Variants in CCSER1 observed in about 807,000 individuals in gnomAD.
CCSER1 encodes coiled-coil serine rich protein 1.
A neutral mutation model predicts 82.0 loss-of-function variants in CCSER1; 41 were observed. The observed-to-expected ratio is 0.50, with a 90% CI of 0.39 to 0.65. CCSER1 has a LOEUF of 0.65. CCSER1 is among the 30% of genes least tolerant of loss of function. The probability of loss-of-function intolerance (pLI) is 0.00; values close to 1 mark genes in which losing one functional copy is unlikely to be tolerated. For missense variants in CCSER1, 1,119 were observed against 1,064.2 expected (o/e 1.05, Z -0.72); for synonymous variants, 414 against 383.9 (o/e 1.08, Z -0.92).
At chr4:91,442,358 A>G (rs1435586988) in intron 10 of CCSER1, among the ~76,000 whole-genome samples, 1 of 152,092 alleles carries the variant, frequency 6.6e-6, no homozygotes, top group Non-Finnish European at 1.5e-5. Context: ...CCTGACAAAA[A>G]CAAGCAATGG....
intron 6 of CCSER1, among the ~76,000 whole-genome samples, chr4:90,723,639 C>A (rs17243751): frequency 6.6e-6 from 1 of 151,282 alleles, no homozygotes; most frequent in African/African-American, 2.4e-5. Context: ...ATAATAAATA[C>A]CACCCTAACA....
chr4:91,172,359 A>C lies in CCSER1; in HGVS notation c.2217+86365A>C, dbSNP rs140370295. Among the ~76,000 whole-genome samples, 5 of 152,312 alleles carry C rather than the reference A, an allele frequency of 3.3e-5. No homozygotes were observed. In the East Asian group the frequency reaches 9.6e-4, roughly 29 times the overall value. ...AAACTGTGTCTTCATGGAATTTTTCATGTGGATGCATTGATGGAAAGGCAT... is the reference window on the plus strand; with the variant it reads ...AAACTGTGTCTTCATGGAATTTTTCCTGTGGATGCATTGATGGAAAGGCAT... On this transcript the variant is annotated intron_variant, in intron 10 of 10. Transcript: ENST00000509176.
At chr4:91,339,821 G>A (rs750714439) in intron 10 of CCSER1, among the ~76,000 whole-genome samples, 24 of 151,554 alleles carry the variant, frequency 1.6e-4, no homozygotes, top group Admixed American at 6.6e-4. Context: ...GAATACCTAC[G>A]ACAAAGATTA....
At chr4:91,328,448 G>A (rs570258951) in intron 10 of CCSER1, among the ~76,000 whole-genome samples, 6 of 152,294 alleles carry the variant, frequency 3.9e-5, no homozygotes, top group African/African-American at 1.2e-4. Context: ...CACAAGAACA[G>A]CAAAGGAGAA....
intron 10 of CCSER1, among the ~76,000 whole-genome samples, chr4:91,197,606 G>C (rs976583924): frequency 2.0e-5 from 3 of 152,118 alleles, no homozygotes; most frequent in African/African-American, 7.2e-5. Flanking sequence ...TTTCATTTCA[G>C]CTGTTGAATT....
intron 10 of CCSER1, among the ~76,000 whole-genome samples, chr4:91,406,275 T>C (rs1752692775): frequency 6.6e-6 from 1 of 152,166 alleles, no homozygotes; most frequent in Non-Finnish European, 1.5e-5. Flanking sequence ...TCAAACCCCT[T>C]CTTCTTTCCT....
At chr4:91,168,017 G>A (rs1457260912) in intron 10 of CCSER1, among the ~76,000 whole-genome samples, 1 of 150,226 alleles carries the variant, frequency 6.7e-6, no homozygotes, top group Non-Finnish European at 1.5e-5. Context: ...GAGCGCCTCT[G>A]CCCGGCCGCC....
intron 10 of CCSER1, among the ~76,000 whole-genome samples, chr4:91,475,476 T>G (rs545342480): frequency 6.6e-6 from 1 of 151,914 alleles, no homozygotes; most frequent in South Asian, 2.1e-4. Context: ...TTACCTTATA[T>G]TCTAAAAGGG....
At position 91,185,563 on chromosome 4, in the gene CCSER1, A is replaced by C. The variant is rs184210753; in HGVS notation, c.2217+99569A>C. 3.9e-3 allele frequency among the ~76,000 whole-genome samples: 594 copies of C among 152,216 alleles called. 5 individuals are homozygous for C. The highest frequency in any genetic ancestry group is 0.013 in the African/African-American group (556 of 41,530). ...GGCGGGAGACAGACATTGTATGGGG[A>C]TGAGGGAATGGCCTGAGCTGGAAAT... On this transcript the variant is annotated intron_variant, in intron 10 of 10. Transcript: ENST00000509176.
At position 90,613,067 on chromosome 4, in the gene CCSER1, A is replaced by G. The variant is rs527335281; in HGVS notation, c.1725-14958A>G. Among the ~76,000 whole-genome samples the G allele has an allele frequency of 1.7e-3, 266 of 152,296 alleles. 1 individual carries two copies. The highest frequency in any genetic ancestry group is 6.2e-3 in the African/African-American group (256 of 41,582). On this transcript the variant is annotated intron_variant, in intron 5 of 10. Coordinates refer to ENST00000509176, the MANE Select transcript of CCSER1 (RefSeq NM_001145065.2). ...GACAGGAATACACCCAACGGTACAC[A>G]GGCACTGGAAGAACCTTGTACTACA...
chr4:90,665,568 G>C (rs4619858), intron 6 of CCSER1, among the ~76,000 whole-genome samples: 69,295 of 151,756 alleles, frequency 0.46, 16,214 homozygotes, highest in Middle Eastern at 0.58. Context: ...TGATCCACCC[G>C]CCTCGGCCTC....
intron 5 of CCSER1, among the ~76,000 whole-genome samples, chr4:90,534,610 A>G (rs1775072255): frequency 6.6e-6 from 1 of 152,214 alleles, no homozygotes. Flanking sequence ...ACATGCTCAC[A>G]CAGAGATACA....
chr4:91,169,210 A>AAG (rs1553906068), intron 10 of CCSER1, among the ~76,000 whole-genome samples: 1 of 119,572 alleles, frequency 8.4e-6, no homozygotes, highest in Admixed American at 9.7e-5. Flanking sequence ...CTAAAAAAAA[A>AAG]AAAAAAAAAA....
intron 10 of CCSER1, among the ~76,000 whole-genome samples, chr4:91,504,513 G>A (rs944410609): frequency 6.6e-6 from 1 of 152,018 alleles, no homozygotes; most frequent in Non-Finnish European, 1.5e-5. Flanking sequence ...GAAACAGAAA[G>A]CACTTGTAGA....
chr4:91,118,663 A>G (rs1194067026), intron 10 of CCSER1, among the ~76,000 whole-genome samples: 1 of 152,168 alleles, frequency 6.6e-6, no homozygotes, highest in African/African-American at 2.4e-5. Context: ...GAATAAACAC[A>G]TATTTTATAC....
chr4:91,267,236 G>A (rs1474572827), intron 10 of CCSER1, among the ~76,000 whole-genome samples: 1 of 152,130 alleles, frequency 6.6e-6, no homozygotes, highest in Non-Finnish European at 1.5e-5. Context: ...TATATGTCAG[G>A]TGTGTGTTTT....
intron 9 of CCSER1, among the ~76,000 whole-genome samples, chr4:90,996,658 A>C (rs1737520675): frequency 6.6e-6 from 1 of 152,080 alleles, no homozygotes; most frequent in South Asian, 2.1e-4. Context: ...TTTCACACCA[A>C]CTTTCACCTC....
chr4:90,145,974 T>A (rs911932236), intron 1 of CCSER1, among the ~76,000 whole-genome samples: 6 of 152,060 alleles, frequency 3.9e-5, no homozygotes, highest in Non-Finnish European at 7.4e-5. Context: ...TGAAGCACTA[T>A]TATATGGCTT....
intron 10 of CCSER1, among the ~76,000 whole-genome samples, chr4:91,395,663 G>A (rs1751933115): frequency 6.6e-6 from 1 of 151,712 alleles, no homozygotes; most frequent in South Asian, 2.1e-4. Flanking sequence ...AGAATAGGGT[G>A]TTTTTTTTAT....
Sources: gnomAD v4.1 joint callset for allele counts (sites outside exome capture counted in the v4.1 genomes callset) on GRCh38, gnomAD v4.1.1 for gene constraint, MANE v1.5 for transcripts, NCBI Gene and HGNC (gene_info 2026-07-23, HGNC 2026-07-21) for gene names.